The following MTHFD1L variants were observed in gnomAD, a reference collection of about 807,000 sequenced individuals.
MTHFD1L encodes methylenetetrahydrofolate dehydrogenase (NADP+ dependent) 1 like.
Under a neutral mutation model 119.5 loss-of-function variants are expected in MTHFD1L, and 81 were observed. The ratio of observed to expected loss-of-function variants is 0.68; its 90% CI spans 0.57 to 0.82. The LOEUF is 0.82. Among genes scored for constraint, MTHFD1L ranks in the 40% least tolerant of loss-of-function variants. The probability of loss-of-function intolerance (pLI) is 0.00; values close to 1 mark genes in which losing one functional copy is unlikely to be tolerated. For missense variants in MTHFD1L, 1,125 were observed against 1,253.4 expected, an observed-to-expected ratio of 0.90 and a Z score of 1.55; for synonymous variants, 430 against 475.2, an observed-to-expected ratio of 0.90 and a Z score of 1.24.
At chr6:150,989,464 C>T (rs1331286193) in intron 20 of MTHFD1L, among the ~76,000 whole-genome samples, 1 of 152,086 alleles carries the variant, frequency 6.6e-6, no homozygotes, top group African/African-American at 2.4e-5. Flanking sequence ...GGAAGAGACA[C>T]ATTTTATTAT....
intron 12 of MTHFD1L, 66 bp downstream of exon 12, chr6:150,937,006 C>T: frequency 6.4e-7 from 1 of 1,562,120 alleles, no homozygotes; most frequent in Admixed American, 1.7e-5. Flanking sequence ...GTAAAAAGAA[C>T]ATTGTCAACA....
At chr6:150,955,616 C>T (rs1189488190) in intron 16 of MTHFD1L, among the ~76,000 whole-genome samples, 1 of 151,324 alleles carries the variant, frequency 6.6e-6, no homozygotes, top group Admixed American at 6.6e-5. Flanking sequence ...TCTCCTGCCT[C>T]AGCCTCCTGA....
chr6:151,049,154 G>A (rs992951506), intron 26 of MTHFD1L, among the ~76,000 whole-genome samples: 10 of 152,280 alleles, frequency 6.6e-5, no homozygotes, highest in Admixed American at 5.2e-4. Context: ...TCGGAGGTTC[G>A]AGACCAGCCT....
In MTHFD1L at chr6:150,923,509, C is replaced by CTTTATTTATTTATTTATTTATTTATTTA. The variant is rs368593673; in HGVS notation, c.1082+1211_1082+1238dup. On this transcript the variant is annotated intron_variant, in intron 10 of 27. Transcript: ENST00000367321. ...GATAAAATCCCTCTAGTAACTGACA[C>CTTTATTTATTTATTTATTTATTTATTTA]TTTATTTATTTATTTATTTATTTAT... Among the ~76,000 whole-genome samples, 28 of 118,044 alleles carry CTTTATTTATTTATTTATTTATTTATTTA rather than the reference C, an allele frequency of 2.4e-4. 2 individuals carry two copies. The highest frequency in any genetic ancestry group is 1.2e-3 in the East Asian group (5 of 4,038). The allele number at this position is 118,044 out of a possible 152,430, so 77.4% of individuals were successfully genotyped here. A position where few individuals can be genotyped will look rare whatever the true frequency, so the allele number is the denominator to read the frequency against.
chr6:150,923,393 C>A (rs1789336831), intron 10 of MTHFD1L, among the ~76,000 whole-genome samples: 1 of 151,928 alleles, frequency 6.6e-6, no homozygotes, highest in Non-Finnish European at 1.5e-5. Flanking sequence ...AGGAATTGGC[C>A]CCACCCCCAT....
chr6:150,938,614 T>G, intron 12 of MTHFD1L, 85 bp from the exon 13 acceptor site: 1 of 1,445,926 alleles, frequency 6.9e-7, no homozygotes, highest in Non-Finnish European at 9.5e-7. Flanking sequence ...CTGTTGGGTT[T>G]GGGGAGCTGT....
intron 26 of MTHFD1L, among the ~76,000 whole-genome samples, chr6:151,079,862 G>C (rs1031698039): frequency 4.7e-5 from 7 of 150,454 alleles, no homozygotes; most frequent in African/African-American, 1.7e-4. Context: ...GATTTACTTT[G>C]GTAAAAATTA....
chr6:150,965,149 G>A, intron 19 of MTHFD1L, 112 bp downstream of exon 19: 1 of 881,604 alleles, frequency 1.1e-6, no homozygotes, highest in Non-Finnish European at 1.8e-6. Context: ...GCAGCAGTGT[G>A]CTTTGCAATC....
At chr6:150,955,843 C>T (rs1795560007) in intron 16 of MTHFD1L, 152 bp from the exon 17 acceptor site, 2 of 635,596 alleles carry the variant, frequency 3.1e-6, no homozygotes, top group East Asian at 2.8e-5. Context: ...TTGATTCTTT[C>T]TCTATGTCTA....
Position 151,013,797 on chromosome 6 carries a change from C to T in MTHFD1L, c.2284C>T (p.Leu762Phe), listed in dbSNP as rs1163405897. The T allele has an allele frequency of 6.2e-7, 1 of 1,612,538 alleles. No homozygotes were observed. The highest frequency in any genetic ancestry group is 2.2e-5 in the East Asian group (1 of 44,892). ...GGPSVTAGVP[L>F]KKEYTEENIQ... Reference sequence around the variant, plus strand: ...ATTTCAGGTAACGGCTGGTGTTCCTCTTAAGAAAGAATATACAGAGGAGGT... The same window carrying T: ...ATTTCAGGTAACGGCTGGTGTTCCTTTTAAGAAAGAATATACAGAGGAGGT... The change falls in exon 22 of 28, where the codon CTT (leucine) becomes TTT (phenylalanine). Residue 762 changes from leucine to phenylalanine, a missense_variant. Physicochemically the swap from Leu to Phe is conservative, Grantham distance 22. Transcript: ENST00000367321.
intron 20 of MTHFD1L, among the ~76,000 whole-genome samples, chr6:150,986,046 TG>T (rs1778261882): frequency 6.6e-6 from 1 of 152,206 alleles, no homozygotes; most frequent in Non-Finnish European, 1.5e-5. Flanking sequence ...ACTCCTTATT[TG>T]GGAAAGACCA....
intron 21 of MTHFD1L, among the ~76,000 whole-genome samples, chr6:151,012,987 T>C (rs1159188604): frequency 6.6e-6 from 1 of 152,164 alleles, no homozygotes; most frequent in Non-Finnish European, 1.5e-5. Context: ...GGCTGCTGAT[T>C]TCCATATCAA....
intron 17 of MTHFD1L, chr6:150,959,092 A>G (rs2128994595): frequency 1.4e-6 from 1 of 715,862 alleles, no homozygotes; most frequent in Non-Finnish European, 1.7e-6. Context: ...ATGAAAGACC[A>G]CTTATGTTTG....
At chr6:150,966,081 C>G (rs1457160896) in intron 19 of MTHFD1L, among the ~76,000 whole-genome samples, 1 of 152,120 alleles carries the variant, frequency 6.6e-6, no homozygotes, top group African/African-American at 2.4e-5. Flanking sequence ...CCTTGGGCAG[C>G]AAGGTGTTTT....
intron 21 of MTHFD1L, among the ~76,000 whole-genome samples, chr6:151,011,752 T>C (rs1477796869): frequency 6.6e-6 from 1 of 151,870 alleles, no homozygotes; most frequent in Non-Finnish European, 1.5e-5. Context: ...GGCACAGATA[T>C]GGGTGGAGGA....
At chr6:150,910,091 G>T (rs1786602253) in intron 8 of MTHFD1L, among the ~76,000 whole-genome samples, 1 of 152,030 alleles carries the variant, frequency 6.6e-6, no homozygotes. Flanking sequence ...TGGGGCAGGA[G>T]AATCGCTTGA....
Position 150,937,302 on chromosome 6 carries a change from T to C in MTHFD1L, c.1393+362T>C, listed in dbSNP as rs138806239. 1.4e-3 allele frequency among the ~76,000 whole-genome samples: 215 copies of C among 152,302 alleles called. 1 individual carries two copies. Among genetic ancestry groups the C allele is most frequent in the African/African-American group, 4.7e-3 (197 of 41,582 alleles). Reference sequence around the variant, plus strand: ...CCAGTCCCGGGGAAAGGTCTTTCCCTCTGCTTTAGTCTCGGCTCATTGGAG... The same window carrying C: ...CCAGTCCCGGGGAAAGGTCTTTCCCCCTGCTTTAGTCTCGGCTCATTGGAG... On this transcript the variant is annotated intron_variant, in intron 12 of 27. Coordinates refer to ENST00000367321, the MANE Select transcript of MTHFD1L (RefSeq NM_015440.5).
chr6:150,870,456 C>T (rs1779205292), intron 1 of MTHFD1L, among the ~76,000 whole-genome samples: 1 of 152,170 alleles, frequency 6.6e-6, no homozygotes, highest in Admixed American at 6.5e-5. Context: ...CCTGTACAGG[C>T]ACCCCTAAGA....
In MTHFD1L at chr6:150,999,761, C is replaced by T. The variant is rs190854396; in HGVS notation, c.2126-10058C>T. Reference sequence around the variant, plus strand: ...CATGATGGTTCTAAATAATGTAAACCGGTGTCTGTAACTAATTAATGCTCT... The same window carrying T: ...CATGATGGTTCTAAATAATGTAAACTGGTGTCTGTAACTAATTAATGCTCT... On this transcript the variant is annotated intron_variant, in intron 20 of 27. Coordinates refer to ENST00000367321, the MANE Select transcript of MTHFD1L (RefSeq NM_015440.5). Among the ~76,000 whole-genome samples, 652 of 152,200 alleles carry T rather than the reference C, an allele frequency of 4.3e-3. 5 individuals are homozygous for T. The highest frequency in any genetic ancestry group is 0.013 in the African/African-American group (550 of 41,530).
Sources: gnomAD v4.1 joint callset for allele counts (sites outside exome capture counted in the v4.1 genomes callset) on GRCh38, gnomAD v4.1.1 for gene constraint, MANE v1.5 for transcripts, NCBI Gene and HGNC (gene_info 2026-07-23, HGNC 2026-07-21) for gene names.